CUX1: variants seen among roughly 807,000 people sequenced by gnomAD.
CUX1 encodes the protein protein CASP.
A neutral mutation model predicts 158.8 loss-of-function variants in CUX1; 31 were observed. That is an observed-to-expected ratio of 0.20 (90% CI 0.15 to 0.26). CUX1 has a LOEUF of 0.26. CUX1 is among the 10% of genes least tolerant of loss of function. The probability of loss-of-function intolerance (pLI) is 1.00; values close to 1 mark genes in which losing one functional copy is unlikely to be tolerated. For missense variants in CUX1, 1,589 were observed against 2,014.6 expected, an observed-to-expected ratio of 0.79 and a Z score of 4.04; for synonymous variants, 879 against 862.1, an observed-to-expected ratio of 1.02 and a Z score of -0.34.
chr7:102,074,230 G>A (rs1307599681), intron 4 of CUX1, among the ~76,000 whole-genome samples: 2 of 152,234 alleles, frequency 1.3e-5, no homozygotes, highest in Admixed American at 6.5e-5. Flanking sequence ...GGTGCAGTAA[G>A]TTCTGCTAGT....
At chr7:102,195,681 G>A (rs1794732269) in intron 14 of CUX1, 78 bp downstream of exon 14, 4 of 1,341,996 alleles carry the variant, frequency 3.0e-6, no homozygotes, top group Non-Finnish European at 3.1e-6. Context: ...AAGGTGAATC[G>A]TGAGTCTGGA....
chr7:102,113,080 C>T (rs937999823), intron 7 of CUX1, among the ~76,000 whole-genome samples: 2 of 151,758 alleles, frequency 1.3e-5, no homozygotes, highest in African/African-American at 2.4e-5. Context: ...ACAGTGCAGT[C>T]GAACAATAAG....
At chr7:102,071,411 A>G (rs1488492466) in intron 4 of CUX1, among the ~76,000 whole-genome samples, 6 of 152,146 alleles carry the variant, frequency 3.9e-5, no homozygotes, top group Admixed American at 3.9e-4. Context: ...TGGGTCCTCG[A>G]TTGCCTTAGA....
chr7:102,111,307 A>G (rs1554489968), intron 6 of CUX1, among the ~76,000 whole-genome samples: 3 of 152,154 alleles, frequency 2.0e-5, no homozygotes, highest in African/African-American at 7.2e-5. Flanking sequence ...TATTCCAACA[A>G]ACTCCTTCAT....
chr7:102,019,990 G>GA (rs1032177217), intron 2 of CUX1, among the ~76,000 whole-genome samples: 65 of 152,226 alleles, frequency 4.3e-4, no homozygotes, highest in African/African-American at 1.5e-3. Flanking sequence ...AGCCATTGTA[G>GA]AAAAAGACTA....
chr7:102,117,381 G>A (rs369263053), intron 8 of CUX1, among the ~76,000 whole-genome samples: 23 of 113,580 alleles, frequency 2.0e-4, no homozygotes, highest in African/African-American at 7.5e-4. Context: ...CTGGGCTACA[G>A]AGCCAGACTC....
At position 101,869,893 on chromosome 7, in the gene CUX1, G is replaced by A. The variant is rs781186629; in HGVS notation, c.31-46222G>A. Among the ~76,000 whole-genome samples, 22 of 152,022 alleles carry A rather than the reference G, an allele frequency of 1.4e-4. No homozygotes were observed. The highest frequency in any genetic ancestry group is 2.8e-4 in the Non-Finnish European group (19 of 68,002). On this transcript the variant is annotated intron_variant, in intron 1 of 23. Transcript: ENST00000292535. The surrounding 1 kb of genome is among the most constrained non-coding windows in gnomAD (Gnocchi z 4.5). ...CGCCCCTGTGTCCTTATTTCCCACCGTGGTGGGCAGCTTGTCTGCCATCCC... is the reference window on the plus strand; with the variant it reads ...CGCCCCTGTGTCCTTATTTCCCACCATGGTGGGCAGCTTGTCTGCCATCCC...
At chr7:102,258,714 G>A (rs535244745), downstream of CUX1, among the ~76,000 whole-genome samples, 91 of 152,322 alleles carry the variant, frequency 6.0e-4, no homozygotes, top group East Asian at 2.9e-3. Context: ...CTCCTCTGCC[G>A]TGTGGCCTGC....
intron 1 of CUX1, among the ~76,000 whole-genome samples, chr7:101,825,606 G>A (rs1793161199): frequency 6.6e-6 from 1 of 152,222 alleles, no homozygotes; most frequent in African/African-American, 2.4e-5. Flanking sequence ...CAGCATCGAT[G>A]TGGGACTGGG....
intron 1 of CUX1, among the ~76,000 whole-genome samples, chr7:101,850,917 T>C (rs934723274): frequency 6.6e-6 from 1 of 152,032 alleles, no homozygotes; most frequent in South Asian, 2.1e-4. Context: ...TCGGCAACAT[T>C]GCAAAACTCT....
intron 1 of CUX1, among the ~76,000 whole-genome samples, chr7:101,914,745 C>T (rs529752134): frequency 2.0e-5 from 3 of 152,118 alleles, no homozygotes; most frequent in African/African-American, 4.8e-5. Flanking sequence ...GTGATCCACC[C>T]ACCTCGGCCT....
intron 2 of CUX1, among the ~76,000 whole-genome samples, chr7:101,958,320 G>A (rs1315745276): frequency 2.0e-5 from 3 of 152,162 alleles, no homozygotes; most frequent in African/African-American, 4.8e-5. Context: ...TGGGGCTGTC[G>A]TGGGAACTGG....
chr7:102,251,329 TTGACTG>T lies in CUX1; in HGVS notation c.*2289_*2294del. On this transcript the variant is annotated 3_prime_UTR_variant, in exon 24 of 24. Coordinates refer to ENST00000292535, the MANE Select transcript of CUX1 (RefSeq NM_181552.4). ...TGCTTGTTAATTAACTTGTAGGACT[TTGACTG>T]TAAGATGTGAAACCACGTTTCTTGC... is the stretch of plus-strand genomic sequence containing the variant. 1 of 985,446 alleles carries T rather than the reference TTGACTG, an allele frequency of 1.0e-6. No individual in the cohort carries two copies. The highest frequency in any genetic ancestry group is 1.2e-6 in the Non-Finnish European group (1 of 829,934). 61.0% of individuals were successfully genotyped at this position (985,446 alleles called of 1,614,324 possible).
intron 1 of CUX1, among the ~76,000 whole-genome samples, chr7:101,903,400 T>G (rs945782873): frequency 6.6e-6 from 1 of 152,128 alleles, no homozygotes; most frequent in Non-Finnish European, 1.5e-5. Context: ...TTGGGCTCCT[T>G]GCAGAGCCGA....
At chr7:102,176,270 G>T (rs1792316925) in intron 10 of CUX1, among the ~76,000 whole-genome samples, 1 of 152,220 alleles carries the variant, frequency 6.6e-6, no homozygotes, top group South Asian at 2.1e-4. Flanking sequence ...GAAAATCCGT[G>T]GTGAGCACAC....
In CUX1 at chr7:101,967,083, G is replaced by A. The variant is rs184514876; in HGVS notation, c.141+50858G>A. On this transcript the variant is annotated intron_variant, in intron 2 of 23. Transcript: ENST00000292535. ...GGCTGGAGTTTAGTGGCGCAATCTC[G>A]GCTTACTGCAACCTCCACCTCCCGG... Among the ~76,000 whole-genome samples the A allele has an allele frequency of 5.2e-3, 790 of 151,968 alleles. 11 individuals are homozygous for A. The highest frequency in any genetic ancestry group is 0.018 in the African/African-American group (742 of 41,418).
intron 3 of CUX1, among the ~76,000 whole-genome samples, chr7:102,047,768 C>T (rs1393590163): frequency 1.3e-5 from 2 of 152,136 alleles, no homozygotes; most frequent in African/African-American, 4.8e-5. Context: ...CTGCAGATCT[C>T]CCTTCCCTTG....
At chr7:102,176,558 CTTTTTTTTTTTT>C (rs60973137) in intron 10 of CUX1, among the ~76,000 whole-genome samples, 1 of 86,730 alleles carries the variant, frequency 1.2e-5, no homozygotes, top group Non-Finnish European at 2.1e-5. Context: ...GCCAGGATTC[CTTTTTTTTTTTT>C]TTTTTTTTTT....
chr7:102,111,202 G>A (rs1196031146), intron 6 of CUX1, among the ~76,000 whole-genome samples: 15 of 151,928 alleles, frequency 9.9e-5, no homozygotes, highest in African/African-American at 3.4e-4. Context: ...ATGCAGTTGC[G>A]AGCATTCACA....
Sources: allele counts gnomAD v4.1 joint callset (sites outside exome capture counted in the v4.1 genomes callset), GRCh38; gene constraint gnomAD v4.1.1; non-coding constraint Gnocchi (gnomAD v3.1); transcripts MANE v1.5; gene names NCBI Gene and HGNC (gene_info 2026-07-23, HGNC 2026-07-21).